TOX: variants seen among roughly 807,000 people sequenced by gnomAD.
The protein encoded by TOX is thymocyte selection-associated high mobility group box protein TOX.
In TOX, 11 loss-of-function variants were observed where a neutral mutation model predicts 53.7. The ratio of observed to expected loss-of-function variants is 0.20; its 90% CI spans 0.13 to 0.34. The LOEUF (loss-of-function observed/expected upper bound fraction) is 0.34. TOX is among the 10% of genes least tolerant of loss of function. The pLI, the probability that TOX is intolerant of heterozygous loss-of-function variation, is 1.00. For synonymous variants in TOX, 225 were observed against 245.3 expected, an observed-to-expected ratio of 0.92 and a Z score of 0.77; for missense variants, 570 against 664.6, an observed-to-expected ratio of 0.86 and a Z score of 1.56.
intron 3 of TOX, among the ~76,000 whole-genome samples, chr8:58,937,393 G>T (rs1490319481): frequency 6.6e-6 from 1 of 152,200 alleles, no homozygotes; most frequent in Non-Finnish European, 1.5e-5. Context: ...TTTATGAACA[G>T]AAGGAAGCTC....
At chr8:58,833,177 A>C (rs1810491185) in intron 5 of TOX, among the ~76,000 whole-genome samples, 1 of 152,228 alleles carries the variant, frequency 6.6e-6, no homozygotes, top group African/African-American at 2.4e-5. Context: ...TGTAATGTAA[A>C]CAAGAACATT....
chr8:58,831,604 T>C (rs2129166303), intron 5 of TOX, among the ~76,000 whole-genome samples: 1 of 152,316 alleles, frequency 6.6e-6, no homozygotes, highest in Middle Eastern at 3.4e-3. Flanking sequence ...GTGTCAAATG[T>C]TCCATCTTTC....
chr8:58,995,035 C>T (rs1813534606), intron 1 of TOX, among the ~76,000 whole-genome samples: 1 of 152,212 alleles, frequency 6.6e-6, no homozygotes. Context: ...AGACTATGAG[C>T]TCATCAGTGT....
At chr8:59,003,292 T>C (rs925174755) in intron 1 of TOX, among the ~76,000 whole-genome samples, 1 of 152,254 alleles carries the variant, frequency 6.6e-6, no homozygotes, top group African/African-American at 2.4e-5. Flanking sequence ...GTATGAGTTA[T>C]ATTCATTGAA....
chr8:58,815,407 C>T lies in TOX; in HGVS notation c.1323G>A (p.Met441Ile), dbSNP rs749935490. The T allele has an allele frequency of 5.0e-6, 8 of 1,613,580 alleles. No individual in the cohort carries two copies. In the African/African-American group the frequency reaches 1.1e-4, roughly 22 times the overall value. ...GGAGCTGGTTCCCAAGGGGCTGCTGCATGGTGAGCGGCTGGTGCTGCTGCA... is the reference window on the plus strand; with the variant it reads ...GGAGCTGGTTCCCAAGGGGCTGCTGTATGGTGAGCGGCTGGTGCTGCTGCA... ...LNMQQHQPLTMQQPLGNQLPM... is the reference protein window; with the variant it reads ...LNMQQHQPLTIQQPLGNQLPM... The change falls in exon 7 of 9, where the codon ATG (methionine) becomes ATA (isoleucine). Residue 441 changes from methionine (M) to isoleucine (I), a missense_variant. Met to Ile is a conservative substitution (Grantham distance 10, BLOSUM62 1). Transcript: ENST00000361421.
intron 1 of TOX, among the ~76,000 whole-genome samples, chr8:59,083,576 G>A (rs1377045374): frequency 6.6e-6 from 1 of 152,104 alleles, no homozygotes; most frequent in African/African-American, 2.4e-5. Flanking sequence ...CTTGGAGAAT[G>A]ATTATATTTT....
intron 1 of TOX, among the ~76,000 whole-genome samples, chr8:59,061,241 G>C (rs1195815643): frequency 6.6e-6 from 1 of 152,182 alleles, no homozygotes. Flanking sequence ...TAAATGACTG[G>C]ATCAAAGTAT....
intron 1 of TOX, among the ~76,000 whole-genome samples, chr8:59,066,288 C>A (rs955538251): frequency 6.6e-6 from 1 of 152,174 alleles, no homozygotes; most frequent in African/African-American, 2.4e-5. Flanking sequence ...AAAGGCTTGA[C>A]AAGTAGGAAG....
At chr8:58,972,584 T>A (rs1043944830) in intron 1 of TOX, among the ~76,000 whole-genome samples, 1 of 152,214 alleles carries the variant, frequency 6.6e-6, no homozygotes, top group African/African-American at 2.4e-5. Context: ...GAATTATCCA[T>A]AACAATCACT....
chr8:58,927,990 C>T (rs1358233294), intron 3 of TOX, among the ~76,000 whole-genome samples: 1 of 152,206 alleles, frequency 6.6e-6, no homozygotes, highest in Non-Finnish European at 1.5e-5. Context: ...CAGTAGGTTT[C>T]TGCGGGTGAC....
intron 1 of TOX, among the ~76,000 whole-genome samples, chr8:59,011,806 T>A (rs1246410191): frequency 1.3e-5 from 2 of 152,202 alleles, no homozygotes; most frequent in African/African-American, 4.8e-5. Flanking sequence ...TATTGCCTGG[T>A]ACACTGTAAT....
intron 3 of TOX, among the ~76,000 whole-genome samples, chr8:58,876,586 G>T (rs760093064): frequency 6.6e-6 from 1 of 152,132 alleles, no homozygotes; most frequent in African/African-American, 2.4e-5. Flanking sequence ...TTCACTGAGC[G>T]AATGTGGCTT....
At chr8:58,845,026 C>T (rs1343600574) in intron 4 of TOX, among the ~76,000 whole-genome samples, 1 of 151,998 alleles carries the variant, frequency 6.6e-6, no homozygotes, top group Non-Finnish European at 1.5e-5. Context: ...AAAGCATGTG[C>T]TAATGGTGTT....
At chr8:59,055,255 T>A (rs546949498) in intron 1 of TOX, among the ~76,000 whole-genome samples, 1 of 152,194 alleles carries the variant, frequency 6.6e-6, no homozygotes, top group Admixed American at 6.5e-5. Flanking sequence ...TGTAAAGCAA[T>A]AGGAACCCTA....
intron 1 of TOX, among the ~76,000 whole-genome samples, chr8:59,057,657 G>A (rs1803908682): frequency 6.6e-6 from 1 of 152,038 alleles, no homozygotes; most frequent in Non-Finnish European, 1.5e-5. Flanking sequence ...GTGTGTATAT[G>A]AATACCATAT....
Position 58,808,130 on chromosome 8 carries a change from T to C in TOX, c.1532A>G (p.Tyr511Cys), listed in dbSNP as rs775589606. 6.2e-7 allele frequency: 1 copy of C among 1,613,092 alleles called. No homozygotes were observed. The highest frequency in any genetic ancestry group is 8.5e-7 in the Non-Finnish European group (1 of 1,179,516). The change falls in exon 8 of 9, where the codon TAC becomes TGC. Residue 511 changes from tyrosine to cysteine, a missense_variant. Physicochemically the swap from Tyr to Cys is radical, Grantham distance 194. Transcript: ENST00000361421. The stretch of plus-strand genomic sequence containing the variant: ...ACCGGCCGCTTACCCACTACTGCAG[T>C]AGTCGTTATTCCAGTCCACCGGTTG... Reference protein sequence around the residue: ...PPQPVDWNNDYCSSGGMQRDK... With the variant: ...PPQPVDWNNDCCSSGGMQRDK...
chr8:58,865,978 G>A (rs1811094789), intron 3 of TOX, among the ~76,000 whole-genome samples: 1 of 151,876 alleles, frequency 6.6e-6, no homozygotes, highest in South Asian at 2.1e-4. Context: ...GGGATTACAG[G>A]CACCTGACAC....
chr8:58,960,350 T>C (rs950008574), intron 1 of TOX, among the ~76,000 whole-genome samples: 1 of 152,084 alleles, frequency 6.6e-6, no homozygotes, highest in Non-Finnish European at 1.5e-5. Context: ...TCAGTTGTAA[T>C]GAAGTATTAA....
At chr8:59,038,255 A>G (rs1156312555) in intron 1 of TOX, among the ~76,000 whole-genome samples, 1 of 152,234 alleles carries the variant, frequency 6.6e-6, no homozygotes, top group Middle Eastern at 3.2e-3. Flanking sequence ...AGTTCCTTTC[A>G]TAATTTATGG....
Sources: gnomAD v4.1 joint callset for allele counts (sites outside exome capture counted in the v4.1 genomes callset) on GRCh38, gnomAD v4.1.1 for gene constraint, MANE v1.5 for transcripts, NCBI Gene and HGNC (gene_info 2026-07-23, HGNC 2026-07-21) for gene names.